The following IQCM variants were observed in gnomAD, a reference collection of about 807,000 sequenced individuals.
IQCM encodes IQ motif containing M.
Under a neutral mutation model 57.6 loss-of-function variants are expected in IQCM, and 45 were observed. The ratio of observed to expected loss-of-function variants is 0.78; its 90% CI spans 0.62 to 1.00. The LOEUF (loss-of-function observed/expected upper bound fraction) is 1.00. Ranked by LOEUF, IQCM falls within the 50% of genes least tolerant of loss-of-function variation. IQCM has a pLI of 0.00. For missense variants in IQCM, 468 were observed against 511.6 expected, an observed-to-expected ratio of 0.91 and a Z score of 0.82; for synonymous variants, 148 against 158.9, an observed-to-expected ratio of 0.93 and a Z score of 0.51.
intron 12 of IQCM, among the ~76,000 whole-genome samples, chr4:149,481,528 T>C (rs757252935): frequency 3.9e-5 from 6 of 151,916 alleles, no homozygotes; most frequent in Non-Finnish European, 8.8e-5. Context: ...TTTCCCAGTG[T>C]ATGTTCTTGG....
intron 10 of IQCM, among the ~76,000 whole-genome samples, chr4:149,555,579 G>A (rs1455262507): frequency 2.0e-5 from 3 of 152,158 alleles, no homozygotes; most frequent in Non-Finnish European, 4.4e-5. Flanking sequence ...GGATTTGGCT[G>A]GATTACTGGG....
chr4:149,622,342 C>CTTTTTT (rs767957507), intron 7 of IQCM, among the ~76,000 whole-genome samples: 7 of 140,580 alleles, frequency 5.0e-5, no homozygotes, highest in South Asian at 2.2e-4. Context: ...CAGTGGAATT[C>CTTTTTT]TTTTTTATTT....
At chr4:149,497,109 G>T (rs536157933) in intron 12 of IQCM, among the ~76,000 whole-genome samples, 1 of 152,106 alleles carries the variant, frequency 6.6e-6, no homozygotes, top group African/African-American at 2.4e-5. Context: ...TTTCTTTAAT[G>T]TATGGGGCAG....
chr4:149,597,468 A>G (rs952332207), intron 8 of IQCM, among the ~76,000 whole-genome samples: 1 of 152,006 alleles, frequency 6.6e-6, no homozygotes, highest in African/African-American at 2.4e-5. Flanking sequence ...TCAGCTCACT[A>G]CAACCTCCAC....
chr4:149,455,101 G>A (rs1579113742), intron 12 of IQCM, among the ~76,000 whole-genome samples: 1 of 151,998 alleles, frequency 6.6e-6, no homozygotes, highest in Non-Finnish European at 1.5e-5. Context: ...TTATGGTGGG[G>A]TTACATCCTG....
intron 13 of IQCM, among the ~76,000 whole-genome samples, chr4:149,412,794 A>T (rs1325454781): frequency 6.6e-6 from 1 of 152,166 alleles, no homozygotes; most frequent in Non-Finnish European, 1.5e-5. Context: ...CATGTTTTAG[A>T]TTTAGTTAAT....
intron 12 of IQCM, among the ~76,000 whole-genome samples, chr4:149,470,062 C>T (rs1739339178): frequency 6.6e-6 from 1 of 152,132 alleles, no homozygotes; most frequent in Admixed American, 6.5e-5. Context: ...GAAACTGCAT[C>T]AACTAACGAG....
chr4:149,591,515 A>G (rs529207991), intron 8 of IQCM, among the ~76,000 whole-genome samples: 8 of 152,034 alleles, frequency 5.3e-5, no homozygotes, highest in African/African-American at 1.9e-4. Flanking sequence ...GGTTTGTTAC[A>G]TATGTATACA....
intron 7 of IQCM, among the ~76,000 whole-genome samples, chr4:149,635,672 A>G (rs1757655923): frequency 6.6e-6 from 1 of 152,186 alleles, no homozygotes; most frequent in Admixed American, 6.5e-5. Flanking sequence ...GCCTCTTCTC[A>G]TCTTAGCCTT....
intron 5 of IQCM, among the ~76,000 whole-genome samples, chr4:149,704,292 G>C (rs1763991220): frequency 6.6e-6 from 1 of 151,670 alleles, no homozygotes; most frequent in Non-Finnish European, 1.5e-5. Flanking sequence ...TCAACCCCTG[G>C]AATAAACACT....
At chr4:149,490,408 T>C (rs1307432400) in intron 12 of IQCM, among the ~76,000 whole-genome samples, 2 of 152,054 alleles carry the variant, frequency 1.3e-5, no homozygotes, top group Non-Finnish European at 2.9e-5. Flanking sequence ...ATCTCAAATA[T>C]AGTTTATTGC....
At chr4:149,538,532 T>G (rs1384821794) in intron 12 of IQCM, among the ~76,000 whole-genome samples, 1 of 151,954 alleles carries the variant, frequency 6.6e-6, no homozygotes, top group East Asian at 1.9e-4. Context: ...GACATAAATG[T>G]AGCATATCAA....
At chr4:149,614,388 C>G (rs931738252) in intron 8 of IQCM, among the ~76,000 whole-genome samples, 1 of 152,102 alleles carries the variant, frequency 6.6e-6, no homozygotes, top group Non-Finnish European at 1.5e-5. Flanking sequence ...TAGGTCCTTG[C>G]TTATCTCTTC....
At chr4:149,475,134 A>G (rs1740043418) in intron 12 of IQCM, among the ~76,000 whole-genome samples, 1 of 152,234 alleles carries the variant, frequency 6.6e-6, no homozygotes, top group Admixed American at 6.5e-5. Context: ...CAAAGGCAGC[A>G]TGTGAGGATG....
chr4:149,634,537 G>A (rs915311017), intron 7 of IQCM, among the ~76,000 whole-genome samples: 36 of 152,090 alleles, frequency 2.4e-4, no homozygotes, highest in African/African-American at 7.0e-4. Context: ...ACAGCATTTC[G>A]TATGGTCATG....
chr4:149,707,430 G>A (rs1193823592), intron 5 of IQCM, among the ~76,000 whole-genome samples: 2 of 151,938 alleles, frequency 1.3e-5, no homozygotes, highest in East Asian at 1.9e-4. Flanking sequence ...CCATGGACCC[G>A]GAGCATCCCT....
intron 7 of IQCM, among the ~76,000 whole-genome samples, chr4:149,670,369 G>C (rs1282590365): frequency 6.6e-6 from 1 of 152,156 alleles, no homozygotes; most frequent in Non-Finnish European, 1.5e-5. Context: ...AGCTTAAGGA[G>C]ATTTTGGGCT....
At chr4:149,807,773 C>T (rs1418073117) in intron 2 of IQCM, among the ~76,000 whole-genome samples, 1 of 151,842 alleles carries the variant, frequency 6.6e-6, no homozygotes, top group Non-Finnish European at 1.5e-5. Context: ...GGTCAAAAGA[C>T]CTGAATAGAC....
At chr4:149,370,324 C>T (rs768403859) in intron 13 of IQCM, among the ~76,000 whole-genome samples, 4 of 151,864 alleles carry the variant, frequency 2.6e-5, no homozygotes, top group East Asian at 3.9e-4. Context: ...TTTCTTCATC[C>T]GTAAAATGAA....
Sources: allele counts gnomAD v4.1 joint callset (sites outside exome capture counted in the v4.1 genomes callset), GRCh38; gene constraint gnomAD v4.1.1; transcripts MANE v1.5; gene names NCBI Gene and HGNC (gene_info 2026-07-23, HGNC 2026-07-21).